VAV3: variants seen among roughly 807,000 people sequenced by gnomAD.
The protein encoded by VAV3 is guanine nucleotide exchange factor VAV3.
A neutral mutation model predicts 131.2 loss-of-function variants in VAV3; 94 were observed. The ratio of observed to expected loss-of-function variants is 0.72; its 90% CI spans 0.61 to 0.85. VAV3 has a LOEUF of 0.85. Among genes scored for constraint, VAV3 ranks in the 40% least tolerant of loss-of-function variants. The probability of loss-of-function intolerance (pLI) is 0.00; values close to 1 mark genes in which losing one functional copy is unlikely to be tolerated. For synonymous variants in VAV3, 349 were observed against 342.0 expected (o/e 1.02, Z -0.22); for missense variants, 939 against 1,002.7 (o/e 0.94, Z 0.86).
At chr1:107,908,403 C>A (rs771274233) in intron 1 of VAV3, among the ~76,000 whole-genome samples, 36 of 152,090 alleles carry the variant, frequency 2.4e-4, no homozygotes, top group Non-Finnish European at 4.0e-4. Context: ...CGGTTATTAC[C>A]AATCTTCCTT....
Position 107,954,239 on chromosome 1 carries a change from A to G in VAV3, c.204+10427T>C, listed in dbSNP as rs143148082. Among the ~76,000 whole-genome samples, 245 of 152,324 alleles carry G rather than the reference A, an allele frequency of 1.6e-3. 2 individuals are homozygous for G. Among genetic ancestry groups the G allele is most frequent in the Non-Finnish European group, 2.4e-3 (160 of 68,022 alleles). On this transcript the variant is annotated intron_variant, in intron 1 of 26. Coordinates refer to ENST00000370056, the MANE Select transcript of VAV3 (RefSeq NM_006113.5). ...TAATAGAAAAAAAATGCCCTATCAA[A>G]GCACATCATTTTAAACAACAGTGTT...
chr1:107,795,019 T>G (rs1666468776), intron 2 of VAV3, among the ~76,000 whole-genome samples: 1 of 152,160 alleles, frequency 6.6e-6, no homozygotes, highest in African/African-American at 2.4e-5. Context: ...CCTAGAAGAA[T>G]GGATATAGTT....
At chr1:107,692,478 GTCATT>G (rs1023013523) in intron 17 of VAV3, among the ~76,000 whole-genome samples, 181 of 152,232 alleles carry the variant, frequency 1.2e-3, no homozygotes, top group African/African-American at 4.1e-3. Flanking sequence ...CAGAACTAAA[GTCATT>G]TTTGGTTATG....
At chr1:107,783,527 C>T (rs566305438) in intron 2 of VAV3, among the ~76,000 whole-genome samples, 427 of 152,176 alleles carry the variant, frequency 2.8e-3, no homozygotes, top group Non-Finnish European at 4.5e-3. Flanking sequence ...GCCCCAAGGC[C>T]GCCTACCAGA....
intron 2 of VAV3, among the ~76,000 whole-genome samples, chr1:107,873,041 T>C (rs1359262216): frequency 6.6e-6 from 1 of 152,212 alleles, no homozygotes; most frequent in Non-Finnish European, 1.5e-5. Context: ...ACTCCAATCT[T>C]GGCAGTAGCA....
intron 15 of VAV3, among the ~76,000 whole-genome samples, chr1:107,741,712 G>A (rs1308708067): frequency 2.6e-5 from 4 of 152,162 alleles, no homozygotes; most frequent in Non-Finnish European, 5.9e-5. Flanking sequence ...AGAGAAATAT[G>A]AGAATGTAGG....
chr1:107,593,240 T>C (rs1043500147), intron 25 of VAV3, among the ~76,000 whole-genome samples: 1 of 152,166 alleles, frequency 6.6e-6, no homozygotes, highest in Non-Finnish European at 1.5e-5. Context: ...GATAGTCCTG[T>C]CATAATCTTA....
intron 2 of VAV3, among the ~76,000 whole-genome samples, chr1:107,869,747 C>T (rs1181920030): frequency 6.6e-6 from 1 of 152,160 alleles, no homozygotes. Flanking sequence ...GCACCAATCA[C>T]CCGAGCAGTA....
At chr1:107,752,068 T>C (rs367750056) in intron 12 of VAV3, among the ~76,000 whole-genome samples, 21 of 152,312 alleles carry the variant, frequency 1.4e-4, no homozygotes, top group African/African-American at 3.8e-4. Context: ...GGAAGTCTCA[T>C]ACTTACTGAC....
intron 20 of VAV3, among the ~76,000 whole-genome samples, chr1:107,626,621 A>C (rs1200936503): frequency 6.6e-6 from 1 of 152,206 alleles, no homozygotes; most frequent in East Asian, 1.9e-4. Context: ...TTAGAAGAAA[A>C]GCCAAGATGA....
chr1:107,885,137 G>T (rs1223587369), intron 1 of VAV3, among the ~76,000 whole-genome samples: 1 of 152,178 alleles, frequency 6.6e-6, no homozygotes, highest in African/African-American at 2.4e-5. Flanking sequence ...TCCCTGTGAA[G>T]CAGGGAACAA....
chr1:107,697,640 CT>C (rs1659828584), intron 17 of VAV3, among the ~76,000 whole-genome samples: 1 of 152,098 alleles, frequency 6.6e-6, no homozygotes, highest in African/African-American at 2.4e-5. Flanking sequence ...CAGTATTATT[CT>C]TAGTTATCTT....
At chr1:107,603,407 A>C (rs2101109026) in intron 22 of VAV3, among the ~76,000 whole-genome samples, 1 of 152,328 alleles carries the variant, frequency 6.6e-6, no homozygotes, top group Non-Finnish European at 1.5e-5. Context: ...CACCTAGTAA[A>C]TAAATGGGAC....
intron 8 of VAV3, among the ~76,000 whole-genome samples, chr1:107,766,146 G>GATT (rs1664718167): frequency 6.6e-6 from 1 of 152,144 alleles, no homozygotes; most frequent in African/African-American, 2.4e-5. Flanking sequence ...ACTTACTGAA[G>GATT]ATTACATCGC....
intron 8 of VAV3, among the ~76,000 whole-genome samples, chr1:107,765,841 G>A (rs931404838): frequency 5.3e-5 from 8 of 152,156 alleles, no homozygotes; most frequent in African/African-American, 1.9e-4. Context: ...ATTTATCGAA[G>A]ACTTGATGCA....
At chr1:107,785,785 C>CT (rs1665948539) in intron 2 of VAV3, among the ~76,000 whole-genome samples, 1 of 152,184 alleles carries the variant, frequency 6.6e-6, no homozygotes, top group South Asian at 2.1e-4. Context: ...AGACCTGATA[C>CT]TATCCAGGCA....
At chr1:107,741,503 C>T (rs962502638) in intron 15 of VAV3, among the ~76,000 whole-genome samples, 3 of 152,084 alleles carry the variant, frequency 2.0e-5, no homozygotes, top group South Asian at 4.2e-4. Flanking sequence ...GTGAAACAGC[C>T]GAGGGAACAC....
intron 15 of VAV3, among the ~76,000 whole-genome samples, chr1:107,725,741 G>T (rs1482274388): frequency 6.6e-6 from 1 of 152,056 alleles, no homozygotes; most frequent in Admixed American, 6.5e-5. Flanking sequence ...TCAAACTCCC[G>T]ACCTCAGGTG....
intron 15 of VAV3, among the ~76,000 whole-genome samples, chr1:107,710,137 A>G (rs545801737): frequency 5.3e-5 from 8 of 152,350 alleles, no homozygotes; most frequent in African/African-American, 1.9e-4. Flanking sequence ...GAATAAAGGA[A>G]GCAAATCCTA....
Sources: allele counts gnomAD v4.1 joint callset (sites outside exome capture counted in the v4.1 genomes callset), GRCh38; gene constraint gnomAD v4.1.1; transcripts MANE v1.5; gene names NCBI Gene and HGNC (gene_info 2026-07-23, HGNC 2026-07-21).